The following CDKAL1 variants were observed in gnomAD, a reference collection of about 807,000 sequenced individuals.
CDKAL1 encodes the protein CDKAL1 threonylcarbamoyladenosine tRNA methylthiotransferase.
Under a neutral mutation model 68.2 loss-of-function variants are expected in CDKAL1, and 32 were observed. That is an observed-to-expected ratio of 0.47 (90% CI 0.35 to 0.63). The LOEUF (loss-of-function observed/expected upper bound fraction) is 0.63, where lower values mean the gene tolerates loss of function less well. CDKAL1 is among the 30% of genes least tolerant of loss of function. CDKAL1 has a pLI of 0.00. For missense variants in CDKAL1, 606 were observed against 696.7 expected, an observed-to-expected ratio of 0.87 and a Z score of 1.47; for synonymous variants, 234 against 244.3, an observed-to-expected ratio of 0.96 and a Z score of 0.39.
chr6:20,746,473 A>G (rs1773668355), intron 6 of CDKAL1, among the ~76,000 whole-genome samples: 1 of 152,220 alleles, frequency 6.6e-6, no homozygotes, highest in African/African-American at 2.4e-5. Context: ...ATCTTCTCAT[A>G]GCGTTGAAAC....
intron 2 of CDKAL1, among the ~76,000 whole-genome samples, chr6:20,544,982 T>C (rs1763540480): frequency 6.6e-6 from 1 of 151,918 alleles, no homozygotes; most frequent in African/African-American, 2.4e-5. Context: ...TGTGTGTGTG[T>C]GTGTGTGTGT....
intron 10 of CDKAL1, among the ~76,000 whole-genome samples, chr6:20,982,162 G>C (rs1387014269): frequency 6.6e-6 from 1 of 151,796 alleles, no homozygotes. Flanking sequence ...CACCTCCCGG[G>C]CTCAAGCAAT....
intron 10 of CDKAL1, among the ~76,000 whole-genome samples, chr6:20,988,401 G>T (rs888146376): frequency 1.3e-5 from 2 of 152,028 alleles, no homozygotes; most frequent in African/African-American, 4.8e-5. Context: ...AGCTATCTGC[G>T]CATTCAGTAG....
chr6:20,927,562 G>A (rs1421777177), intron 9 of CDKAL1, among the ~76,000 whole-genome samples: 2 of 152,104 alleles, frequency 1.3e-5, no homozygotes, highest in East Asian at 3.8e-4. Flanking sequence ...AAAAATAAGT[G>A]GAAAGTCAAA....
At chr6:20,537,512 A>C (rs1467018806) in intron 2 of CDKAL1, among the ~76,000 whole-genome samples, 3 of 151,528 alleles carry the variant, frequency 2.0e-5, no homozygotes, top group African/African-American at 7.3e-5. Context: ...AGGCTGAGGC[A>C]GGAGAATTGC....
chr6:20,626,804 A>G (rs763793355), intron 4 of CDKAL1, among the ~76,000 whole-genome samples: 1 of 152,180 alleles, frequency 6.6e-6, no homozygotes, highest in Non-Finnish European at 1.5e-5. Context: ...AGGAAAGGGC[A>G]TGGATCAACA....
At chr6:20,764,561 G>A (rs1252396733) in intron 7 of CDKAL1, among the ~76,000 whole-genome samples, 1 of 152,158 alleles carries the variant, frequency 6.6e-6, no homozygotes, top group Non-Finnish European at 1.5e-5. Context: ...TATTTTGCAT[G>A]TGGTACTTAT....
intron 8 of CDKAL1, among the ~76,000 whole-genome samples, chr6:20,795,592 G>A (rs1012416626): frequency 2.6e-5 from 4 of 152,142 alleles, no homozygotes; most frequent in African/African-American, 9.7e-5. Context: ...TCTAAGAAAT[G>A]CCATCATTGA....
chr6:21,149,819 T>C (rs1205892120), intron 13 of CDKAL1, among the ~76,000 whole-genome samples: 1 of 152,170 alleles, frequency 6.6e-6, no homozygotes, highest in Non-Finnish European at 1.5e-5. Context: ...AATTCCAAAA[T>C]GTGCAGCAGC....
At chr6:20,702,020 G>T (rs1771384672) in intron 5 of CDKAL1, among the ~76,000 whole-genome samples, 1 of 152,162 alleles carries the variant, frequency 6.6e-6, no homozygotes, top group Non-Finnish European at 1.5e-5. Flanking sequence ...GCGGAAAGAT[G>T]CCAGGGATTA....
intron 11 of CDKAL1, among the ~76,000 whole-genome samples, chr6:21,033,433 C>T (rs571000119): frequency 1.1e-4 from 16 of 151,960 alleles, no homozygotes; most frequent in Admixed American, 2.0e-4. Context: ...GCCAGAAAAC[C>T]GTTGATATCA....
intron 15 of CDKAL1, among the ~76,000 whole-genome samples, chr6:21,212,184 G>C (rs1369187563): frequency 1.3e-5 from 2 of 152,174 alleles, no homozygotes; most frequent in Non-Finnish European, 2.9e-5. Context: ...CCAGTGCAGT[G>C]CCTGTTTCAT....
chr6:20,936,082 C>T (rs1763692083), intron 9 of CDKAL1, among the ~76,000 whole-genome samples: 1 of 152,100 alleles, frequency 6.6e-6, no homozygotes, highest in Admixed American at 6.5e-5. Flanking sequence ...ACTTTAACAC[C>T]TCAAAAACAT....
intron 5 of CDKAL1, among the ~76,000 whole-genome samples, chr6:20,723,959 G>T (rs778457537): frequency 6.6e-6 from 1 of 152,234 alleles, no homozygotes; most frequent in African/African-American, 2.4e-5. Flanking sequence ...TTGAGACAGG[G>T]TCTTACTCTG....
At chr6:20,741,075 A>G (rs1361451810) in intron 6 of CDKAL1, among the ~76,000 whole-genome samples, 1 of 152,082 alleles carries the variant, frequency 6.6e-6, no homozygotes, top group Admixed American at 6.6e-5. Flanking sequence ...CTCTGCATAC[A>G]TTTTGGCAAC....
At chr6:21,079,101 A>G (rs925051526) in intron 12 of CDKAL1, among the ~76,000 whole-genome samples, 1 of 152,158 alleles carries the variant, frequency 6.6e-6, no homozygotes, top group Non-Finnish European at 1.5e-5. Context: ...GCACAAATAA[A>G]ACAGGGAACA....
At chr6:20,915,315 C>G (rs1010748188) in intron 9 of CDKAL1, among the ~76,000 whole-genome samples, 1 of 152,194 alleles carries the variant, frequency 6.6e-6, no homozygotes, top group Non-Finnish European at 1.5e-5. Context: ...CACACCCCCA[C>G]ACACACAGAT....
At chr6:20,820,047 G>A (rs1017326729) in intron 8 of CDKAL1, among the ~76,000 whole-genome samples, 1 of 152,080 alleles carries the variant, frequency 6.6e-6, no homozygotes, top group Non-Finnish European at 1.5e-5. Context: ...CTGAAGTCTC[G>A]TGTGTAACCT....
At chr6:20,700,370 A>T (rs1013055428) in intron 5 of CDKAL1, among the ~76,000 whole-genome samples, 4 of 145,422 alleles carry the variant, frequency 2.8e-5, no homozygotes, top group Non-Finnish European at 4.5e-5. Context: ...AAAAAAAAAA[A>T]AATAAATAAA....
Sources: gnomAD v4.1 joint callset for allele counts (sites outside exome capture counted in the v4.1 genomes callset) on GRCh38, gnomAD v4.1.1 for gene constraint, MANE v1.5 for transcripts, NCBI Gene and HGNC (gene_info 2026-07-23, HGNC 2026-07-21) for gene names.